PDE8B: variants seen among roughly 807,000 people sequenced by gnomAD.
PDE8B encodes phosphodiesterase 8B.
In PDE8B, 26 loss-of-function variants were observed where a neutral mutation model predicts 101.3. The ratio of observed to expected loss-of-function variants is 0.26; its 90% CI spans 0.19 to 0.36. The LOEUF (loss-of-function observed/expected upper bound fraction) is 0.36, where lower values mean the gene tolerates loss of function less well. Ranked by LOEUF, PDE8B falls within the 10% of genes least tolerant of loss-of-function variation. The pLI, the probability that PDE8B is intolerant of heterozygous loss-of-function variation, is 1.00. For synonymous variants in PDE8B, 424 were observed against 429.3 expected, an observed-to-expected ratio of 0.99 and a Z score of 0.15; for missense variants, 810 against 1,163.1, an observed-to-expected ratio of 0.70 and a Z score of 4.42.
chr5:77,426,295 A>C, intron 21 of PDE8B, 150 bp from the exon 22 acceptor site: 1 of 679,916 alleles, frequency 1.5e-6, no homozygotes, highest in East Asian at 2.7e-5. Context: ...GCATTTCAGA[A>C]ACTAGTGTTT....
chr5:77,099,798 C>T, the PDE8B span, among the ~76,000 whole-genome samples: 1 of 152,010 alleles, frequency 6.6e-6, no homozygotes, highest in Non-Finnish European at 1.5e-5. Flanking sequence ...TTAGTAGAAA[C>T]AGGGTTTCAC....
chr5:77,124,989 GT>G, the PDE8B span, among the ~76,000 whole-genome samples: 3 of 152,054 alleles, frequency 2.0e-5, no homozygotes, highest in African/African-American at 4.8e-5. Context: ...ACGTTGTTTT[GT>G]TTCACTTTTG....
In PDE8B at chr5:77,321,186, G is replaced by A. The variant is rs1418465584; in HGVS notation, c.400-4353G>A. 3.9e-5 allele frequency among the ~76,000 whole-genome samples: 3 copies of A among 76,634 alleles called. No homozygotes were observed. The South Asian group carries it at 1.3e-3, about 34-fold the overall frequency. The allele number at this position is 76,634 out of a possible 152,430, so 50.3% of individuals were successfully genotyped here. On this transcript the variant is annotated intron_variant, in intron 2 of 21. Transcript: ENST00000264917. ...TTTTTTGAGATGGAGTTTCTCTCTT[G>A]TTGCCCAGGCTGGAGTGCAATGGCA...
chr5:77,385,479 A>T (rs1788364155), intron 10 of PDE8B, among the ~76,000 whole-genome samples: 3 of 148,224 alleles, frequency 2.0e-5, no homozygotes, highest in Admixed American at 6.7e-5. Flanking sequence ...TATCTTCTTC[A>T]ATTCTGCTCT....
At chr5:77,125,903 T>C in the PDE8B span, among the ~76,000 whole-genome samples, 1 of 152,156 alleles carries the variant, frequency 6.6e-6, no homozygotes, top group South Asian at 2.1e-4. Context: ...TGCATGACAG[T>C]GAGAATATAC....
the PDE8B span, among the ~76,000 whole-genome samples, chr5:77,100,928 T>C: frequency 2.4e-3 from 359 of 151,654 alleles, no homozygotes; most frequent in African/African-American, 8.2e-3. Context: ...AAAACAGTAG[T>C]AAGCCCCAAC....
upstream of PDE8B, among the ~76,000 whole-genome samples, chr5:77,206,009 A>G (rs1747472663): frequency 1.3e-5 from 2 of 152,200 alleles, no homozygotes; most frequent in African/African-American, 4.8e-5. Flanking sequence ...CCAAAAGACT[A>G]CCATGATGTA....
the PDE8B span, among the ~76,000 whole-genome samples, chr5:77,095,260 T>A: frequency 6.6e-6 from 1 of 152,144 alleles, no homozygotes; most frequent in African/African-American, 2.4e-5. Flanking sequence ...AGTCAACAGG[T>A]GAAATGCCTT....
At chr5:77,311,955 T>G in intron 1 of PDE8B, 39 bp from the exon 2 acceptor site, 1 of 1,545,786 alleles carries the variant, frequency 6.5e-7, no homozygotes, top group Non-Finnish European at 8.9e-7. Context: ...TTTGTGTAGT[T>G]TAAGACTTGA....
the PDE8B span, among the ~76,000 whole-genome samples, chr5:77,129,479 T>C: frequency 6.6e-6 from 1 of 151,572 alleles, no homozygotes; most frequent in Non-Finnish European, 1.5e-5. Flanking sequence ...ATTGAATGAG[T>C]GATCACATTT....
At chr5:77,124,697 G>A in the PDE8B span, among the ~76,000 whole-genome samples, 2 of 152,142 alleles carry the variant, frequency 1.3e-5, no homozygotes, top group Non-Finnish European at 2.9e-5. Context: ...CAAGCTTTTA[G>A]TGATAAAAAT....
chr5:77,160,758 C>T, the PDE8B span, among the ~76,000 whole-genome samples: 7 of 152,054 alleles, frequency 4.6e-5, no homozygotes, highest in African/African-American at 1.4e-4. Context: ...TCAAGTGATC[C>T]TCCCACCTCA....
chr5:77,227,466 G>A (rs1468862517), intron 1 of PDE8B, among the ~76,000 whole-genome samples: 2 of 152,082 alleles, frequency 1.3e-5, no homozygotes, highest in East Asian at 3.8e-4. Flanking sequence ...AAGTTTGGGT[G>A]GGGCAGGAGA....
intron 10 of PDE8B, among the ~76,000 whole-genome samples, chr5:77,377,682 T>C (rs960674767): frequency 1.3e-5 from 2 of 152,168 alleles, no homozygotes; most frequent in Admixed American, 1.3e-4. Flanking sequence ...TTTGAATCAG[T>C]GGACTGAATT....
intron 1 of PDE8B, among the ~76,000 whole-genome samples, chr5:77,283,278 C>G (rs1411097509): frequency 1.3e-5 from 2 of 152,166 alleles, no homozygotes; most frequent in African/African-American, 4.8e-5. Context: ...ACAGCCTCTT[C>G]CACTGTCAAC....
chr5:77,300,510 A>G (rs899832248), intron 1 of PDE8B, among the ~76,000 whole-genome samples: 1 of 152,232 alleles, frequency 6.6e-6, no homozygotes, highest in Admixed American at 6.5e-5. Flanking sequence ...GCCTGTAAAC[A>G]GACTGCTTCC....
chr5:77,121,752 C>T, the PDE8B span, among the ~76,000 whole-genome samples: 66 of 152,252 alleles, frequency 4.3e-4, no homozygotes, highest in Admixed American at 1.2e-3. Context: ...GTGATCCACC[C>T]GCCTCGGCCT....
chr5:77,133,824 T>G, the PDE8B span, among the ~76,000 whole-genome samples: 1 of 152,232 alleles, frequency 6.6e-6, no homozygotes, highest in Admixed American at 6.5e-5. Context: ...GTAGGTGGAA[T>G]GCAGGGAGCC....
chr5:77,392,750 G>A (rs1253351070), intron 10 of PDE8B, among the ~76,000 whole-genome samples: 1 of 152,152 alleles, frequency 6.6e-6, no homozygotes, highest in Non-Finnish European at 1.5e-5. Flanking sequence ...TGTAGGGAGG[G>A]TGGCTATAGC....
Sources: gnomAD v4.1 joint callset for allele counts (sites outside exome capture counted in the v4.1 genomes callset) on GRCh38, gnomAD v4.1.1 for gene constraint, MANE v1.5 for transcripts, NCBI Gene and HGNC (gene_info 2026-07-23, HGNC 2026-07-21) for gene names.